The following KNTC1 variants were observed in gnomAD, a reference collection of about 807,000 sequenced individuals.
The protein encoded by KNTC1 is kinetochore-associated protein 1.
Under a neutral mutation model 314.4 loss-of-function variants are expected in KNTC1, and 253 were observed. The observed-to-expected ratio is 0.80, with a 90% CI of 0.73 to 0.89. The LOEUF (loss-of-function observed/expected upper bound fraction) is 0.89, where lower values mean the gene tolerates loss of function less well. Ranked by LOEUF, KNTC1 falls within the 40% of genes least tolerant of loss-of-function variation. The pLI, the probability that KNTC1 is intolerant of heterozygous loss-of-function variation, is 0.00. For missense variants in KNTC1, 2,475 were observed against 2,572.9 expected (o/e 0.96, Z 0.82); for synonymous variants, 901 against 901.4 (o/e 1.00, Z 0.01).
rs1214700137 is a variant in KNTC1, at chr12:122,601,645, G to C, written c.4653+20G>C. ...AATCAGGTATAACAAATATATCAAA[G>C]ATGTAAAAATCATCTTTCTGCTTTT... On this transcript the variant is annotated intron_variant, in intron 45 of 63. Coordinates refer to ENST00000333479, the MANE Select transcript of KNTC1 (RefSeq NM_014708.6). 1 of 1,458,832 alleles carries C rather than the reference G, an allele frequency of 6.9e-7. No individual in the cohort carries two copies. The highest frequency in any genetic ancestry group is 1.5e-5 in the South Asian group (1 of 68,040). The allele number at this position is 1,458,832 out of a possible 1,614,324, so 90.4% of individuals were successfully genotyped here. A position where few individuals can be genotyped will look rare whatever the true frequency, so the allele number is the denominator to read the frequency against.
At position 122,615,033 on chromosome 12, in the gene KNTC1, T is replaced by C; in HGVS notation, c.5920T>C (p.Tyr1974His). The C allele has an allele frequency of 6.2e-7, 1 of 1,613,764 alleles. No individual in the cohort carries two copies. The highest frequency in any genetic ancestry group is 1.1e-5 in the South Asian group (1 of 90,986). Residue 1974 changes from tyrosine (Y) to histidine (H), a missense_variant, in exon 56 of 64, where the codon TAT becomes CAT. By Grantham distance (83) the Tyr-to-His change is moderately conservative. Transcript: ENST00000333479. ...TGAGCTGTGTTTAGAATACAAAATC[T>C]ATGACCTGCAGCTTTGGAATGGACT... is the stretch of plus-strand genomic sequence containing the variant. Reference protein sequence around the residue: ...VTELCLEYKIYDLQLWNGLLQ... With the variant: ...VTELCLEYKIHDLQLWNGLLQ...
intron 55 of KNTC1, 137 bp from the exon 56 acceptor site, chr12:122,614,854 C>T: frequency 1.9e-6 from 1 of 539,264 alleles, no homozygotes; most frequent in Admixed American, 3.1e-5. Context: ...GCACTCCAGC[C>T]TGGGCAACAG....
At chr12:122,571,679 T>C (rs1193157847) in intron 24 of KNTC1, among the ~76,000 whole-genome samples, 1 of 150,580 alleles carries the variant, frequency 6.6e-6, no homozygotes, top group Non-Finnish European at 1.5e-5. Context: ...ATTATTATTA[T>C]TTTTTTTTGA....
rs573949605 is a variant in KNTC1, at chr12:122,601,687, A to G, written c.4653+62A>G. ...TCTGCTTTTATTTGGATCATAAATC[A>G]TATCATTATCCAGGGCCTTTCCAAA... On this transcript the variant is annotated intron_variant, in intron 45 of 63. Transcript: ENST00000333479. 1.2e-4 allele frequency: 161 copies of G among 1,378,214 alleles called. No individual in the cohort carries two copies. The African/African-American group carries it at 2.1e-3, about 18-fold the overall frequency. 85.4% of individuals were successfully genotyped at this position (1,378,214 alleles called of 1,614,324 possible).
chr12:122,612,420 C>CTTTTTT (rs754162815), intron 53 of KNTC1, among the ~76,000 whole-genome samples: 3 of 88,690 alleles, frequency 3.4e-5, no homozygotes, highest in African/African-American at 9.2e-5. Context: ...TTTTCTTTTT[C>CTTTTTT]TTTTTTTTTT....
At chr12:122,562,093 T>A in intron 19 of KNTC1, 119 bp downstream of exon 19, 1 of 970,426 alleles carries the variant, frequency 1.0e-6, no homozygotes, top group East Asian at 2.5e-5. Flanking sequence ...TTACTTTTCT[T>A]ATCTGCAAAA....
intron 20 of KNTC1, among the ~76,000 whole-genome samples, chr12:122,567,415 T>C (rs1320478345): frequency 6.6e-6 from 1 of 152,206 alleles, no homozygotes; most frequent in Admixed American, 6.5e-5. Flanking sequence ...ATTTCTTTAT[T>C]ATGCATAGTA....
At chr12:122,545,880 G>T (rs1391368812) in intron 8 of KNTC1, among the ~76,000 whole-genome samples, 1 of 151,576 alleles carries the variant, frequency 6.6e-6, no homozygotes, top group Non-Finnish European at 1.5e-5. Flanking sequence ...GAGCCCAGGA[G>T]ATTGAGGCTG....
rs398056023 is a variant in KNTC1, at chr12:122,616,266, C to CT, written c.6030+754dup. ...ATTTCCTATGTATTCTAGAGATTTCCTTTTTTTTTTTTTTGAGATGGAGTC... is the reference window on the plus strand; with the variant it reads ...ATTTCCTATGTATTCTAGAGATTTCCTTTTTTTTTTTTTTTGAGATGGAGTC... On this transcript the variant is annotated intron_variant, in intron 57 of 63. Transcript: ENST00000333479. 6.3e-3 allele frequency among the ~76,000 whole-genome samples: 906 copies of CT among 142,862 alleles called. 5 individuals carry two copies. The highest frequency in any genetic ancestry group is 7.1e-3 in the Admixed American group (101 of 14,192). 93.7% of individuals were successfully genotyped at this position (142,862 alleles called of 152,430 possible).
chr12:122,618,616 T>C, intron 59 of KNTC1, 71 bp downstream of exon 59: 1 of 1,098,296 alleles, frequency 9.1e-7, no homozygotes, highest in Non-Finnish European at 1.4e-6. Context: ...CTAATAGATA[T>C]CTCTAATGAG....
chr12:122,533,938 G>A (rs1961583836), intron 2 of KNTC1, among the ~76,000 whole-genome samples: 2 of 150,540 alleles, frequency 1.3e-5, no homozygotes, highest in Admixed American at 6.6e-5. Context: ...TATTATTATT[G>A]TTACTCTTTT....
intron 6 of KNTC1, among the ~76,000 whole-genome samples, chr12:122,542,423 T>C (rs940376100): frequency 6.6e-6 from 1 of 152,182 alleles, no homozygotes; most frequent in Non-Finnish European, 1.5e-5. Context: ...GTAAATACTT[T>C]TTAATGTGGT....
chr12:122,588,798 T>C lies in KNTC1; in HGVS notation c.3981T>C (p.Ala1327=). ...EKAVIFIREN[A]TTLLHKVFNC... ...CTGTTATATTTATCAGGGAAAATGCTACAACACTACTGCACAAAGTAAGTA... is the reference window on the plus strand; with the variant it reads ...CTGTTATATTTATCAGGGAAAATGCCACAACACTACTGCACAAAGTAAGTA... Residue 1327 remains alanine, a synonymous_variant, in exon 40 of 64, where the codon GCT becomes GCC. Transcript: ENST00000333479. 6.4e-7 allele frequency: 1 copy of C among 1,551,704 alleles called. No individual in the cohort carries two copies. Among genetic ancestry groups the C allele is most frequent in the Non-Finnish European group, 8.7e-7 (1 of 1,149,172 alleles).
At chr12:122,533,367 T>C (rs994016370) in intron 2 of KNTC1, among the ~76,000 whole-genome samples, 3 of 152,080 alleles carry the variant, frequency 2.0e-5, no homozygotes, top group African/African-American at 7.2e-5. Context: ...AGTGCCTTCA[T>C]GTAACCTTTT....
chr12:122,575,251 G>C (rs1964935354), intron 27 of KNTC1, among the ~76,000 whole-genome samples: 1 of 152,028 alleles, frequency 6.6e-6, no homozygotes, highest in Admixed American at 6.6e-5. Context: ...ATGGGAACAT[G>C]ACCCTGCCTC....
intron 16 of KNTC1, among the ~76,000 whole-genome samples, chr12:122,556,755 G>C (rs1411248343): frequency 6.6e-6 from 1 of 151,548 alleles, no homozygotes; most frequent in Non-Finnish European, 1.5e-5. Context: ...GAGCCACCGT[G>C]CCCGACCTCT....
intron 3 of KNTC1, among the ~76,000 whole-genome samples, chr12:122,536,935 G>T (rs1961885331): frequency 6.6e-6 from 1 of 152,198 alleles, no homozygotes; most frequent in South Asian, 2.1e-4. Flanking sequence ...CAACATGGAG[G>T]CAAGAAACTT....
At chr12:122,603,272 TAAAA>T in intron 48 of KNTC1, 29 bp downstream of exon 48, 18 of 1,153,952 alleles carry the variant, frequency 1.6e-5, no homozygotes, top group South Asian at 3.1e-5. Context: ...AAATTGTAGT[TAAAA>T]AAAAAAAAAA....
chr12:122,581,676 A>G (rs534847166), intron 33 of KNTC1, among the ~76,000 whole-genome samples: 3 of 145,308 alleles, frequency 2.1e-5, no homozygotes, highest in Admixed American at 1.4e-4. Context: ...TGTGTTTTTA[A>G]TAGAGACGGG....
Sources: allele counts gnomAD v4.1 joint callset (sites outside exome capture counted in the v4.1 genomes callset), GRCh38; gene constraint gnomAD v4.1.1; transcripts MANE v1.5; gene names NCBI Gene and HGNC (gene_info 2026-07-23, HGNC 2026-07-21).